LRP1B: variants seen among roughly 807,000 people sequenced by gnomAD.
LRP1B encodes low-density lipoprotein receptor-related protein 1B.
LRP1B carries 217 observed loss-of-function variants against 556.6 expected under a neutral mutation model. The ratio of observed to expected loss-of-function variants is 0.39; its 90% CI spans 0.35 to 0.44. The LOEUF (loss-of-function observed/expected upper bound fraction) is 0.44. Among genes scored for constraint, LRP1B ranks in the 20% least tolerant of loss-of-function variants. The pLI is 1.00. For missense variants in LRP1B, 5,053 were observed against 5,620.8 expected (o/e 0.90, Z 3.23); for synonymous variants, 2,047 against 1,865.8 (o/e 1.10, Z -2.50).
intron 2 of LRP1B, among the ~76,000 whole-genome samples, chr2:141,699,524 T>C (rs1447773840): frequency 5.3e-5 from 8 of 151,726 alleles, no homozygotes; most frequent in African/African-American, 1.9e-4. Context: ...TTATTTTTAA[T>C]TAGTTGATTT....
At chr2:142,024,022 T>G (rs898836152) in intron 1 of LRP1B, among the ~76,000 whole-genome samples, 2 of 152,210 alleles carry the variant, frequency 1.3e-5, no homozygotes, top group African/African-American at 4.8e-5. Flanking sequence ...AGTTGAATAT[T>G]AATTCTATTT....
At chr2:142,058,586 G>C (rs1704769178) in intron 1 of LRP1B, among the ~76,000 whole-genome samples, 3 of 152,072 alleles carry the variant, frequency 2.0e-5, no homozygotes. Flanking sequence ...TCGTTAGTGT[G>C]AATGTATTCT....
At chr2:141,992,865 T>C (rs1440422002) in intron 1 of LRP1B, among the ~76,000 whole-genome samples, 1 of 152,160 alleles carries the variant, frequency 6.6e-6, no homozygotes, top group Non-Finnish European at 1.5e-5. Flanking sequence ...TTTTAATTGC[T>C]AAACAGAATT....
chr2:141,225,149 C>A (rs1486743314), intron 6 of LRP1B, among the ~76,000 whole-genome samples: 1 of 151,962 alleles, frequency 6.6e-6, no homozygotes. Context: ...AAGCTAAATC[C>A]ATGAAGAATA....
At position 140,989,605 on chromosome 2, in the gene LRP1B, G is replaced by T. The variant is rs750748483; in HGVS notation, c.2697C>A (p.Ile899=). 1.2e-6 allele frequency: 2 copies of T among 1,613,140 alleles called. No individual in the cohort carries two copies. Among genetic ancestry groups the T allele is most frequent in the African/African-American group, 2.7e-5 (2 of 74,856 alleles). Residue 899 remains isoleucine, a synonymous_variant, in exon 17 of 91, where the codon ATC becomes ATA. Transcript: ENST00000389484. The stretch of plus-strand genomic sequence containing the variant: ...CTCCATCACAAAGCCATCTCTTGGG[G>T]ATGCAGCGATTATTCTGGCATTTAA... ...DQFKCQNNRC[I]PKRWLCDGAN... is the part of the protein sequence containing the mutation.
At chr2:141,508,592 T>G (rs888789565) in intron 2 of LRP1B, among the ~76,000 whole-genome samples, 3 of 152,062 alleles carry the variant, frequency 2.0e-5, no homozygotes, top group African/African-American at 7.2e-5. Flanking sequence ...TTTAGGCTCC[T>G]GGAATTCTGG....
chr2:140,455,405 A>C (rs1687056345), intron 62 of LRP1B, among the ~76,000 whole-genome samples: 1 of 152,220 alleles, frequency 6.6e-6, no homozygotes, highest in Admixed American at 6.5e-5. Context: ...ACTATGTACC[A>C]GGAACTTTTC....
chr2:142,065,372 C>T (rs1489258474), intron 1 of LRP1B, among the ~76,000 whole-genome samples: 6 of 150,936 alleles, frequency 4.0e-5, no homozygotes, highest in Non-Finnish European at 8.9e-5. Context: ...TGTTCCTGGC[C>T]CACTTTCTCT....
At chr2:141,974,312 T>C (rs1701822961) in intron 1 of LRP1B, among the ~76,000 whole-genome samples, 1 of 151,960 alleles carries the variant, frequency 6.6e-6, no homozygotes, top group Non-Finnish European at 1.5e-5. Context: ...GTAGCAGGAA[T>C]GACAAGGGGA....
At chr2:140,829,911 AC>A (rs1218687271) in intron 31 of LRP1B, among the ~76,000 whole-genome samples, 2 of 152,048 alleles carry the variant, frequency 1.3e-5, no homozygotes, top group Admixed American at 1.3e-4. Context: ...AAAATCAGAA[AC>A]AAAAAAAGGA....
At chr2:141,688,441 C>T (rs116075717) in intron 2 of LRP1B, among the ~76,000 whole-genome samples, 1 of 151,788 alleles carries the variant, frequency 6.6e-6, no homozygotes, top group Non-Finnish European at 1.5e-5. Flanking sequence ...TTTTAAAAAC[C>T]TGAGGTATAG....
At chr2:141,260,667 C>A (rs1207704260) in intron 3 of LRP1B, among the ~76,000 whole-genome samples, 1 of 152,104 alleles carries the variant, frequency 6.6e-6, no homozygotes, top group Non-Finnish European at 1.5e-5. Context: ...CCTTTGTGAC[C>A]TATAGTCAAA....
At chr2:141,015,526 G>A (rs796600531) in intron 13 of LRP1B, among the ~76,000 whole-genome samples, 170 bp downstream of exon 13, 87 of 152,140 alleles carry the variant, frequency 5.7e-4, no homozygotes, top group African/African-American at 2.0e-3. Flanking sequence ...CCAGAGGCAA[G>A]TGCCAGCTGC....
chr2:141,030,085 G>A (rs972320397), intron 11 of LRP1B, among the ~76,000 whole-genome samples: 2 of 152,094 alleles, frequency 1.3e-5, no homozygotes, highest in African/African-American at 4.8e-5. Context: ...TCCTCTAAAT[G>A]AGTTTTCTTA....
intron 25 of LRP1B, among the ~76,000 whole-genome samples, chr2:140,871,823 C>T (rs1159909059): frequency 6.6e-6 from 1 of 151,968 alleles, no homozygotes; most frequent in African/African-American, 2.4e-5. Flanking sequence ...GGGTTTTGTT[C>T]CTATATCAAG....
chr2:140,679,264 T>C (rs1435012760), intron 41 of LRP1B, among the ~76,000 whole-genome samples: 1 of 152,168 alleles, frequency 6.6e-6, no homozygotes, highest in African/African-American at 2.4e-5. Flanking sequence ...CCACATACAC[T>C]CATGTGCGGA....
rs564279418 is a variant in LRP1B, at chr2:141,516,429, C to T, written c.206-35896G>A. Among the ~76,000 whole-genome samples, 11 of 152,232 alleles carry T rather than the reference C, an allele frequency of 7.2e-5. No homozygotes were observed. The East Asian group carries it at 1.5e-3, about 21-fold the overall frequency. ...ATAATGTTAGATCACACAAGATTTT[C>T]GACTTAGATTTAAATGTTACAGATC... On this transcript the variant is annotated intron_variant, in intron 2 of 90. Coordinates refer to ENST00000389484, the MANE Select transcript of LRP1B (RefSeq NM_018557.3).
intron 3 of LRP1B, among the ~76,000 whole-genome samples, chr2:141,258,346 C>A (rs887981941): frequency 1.3e-5 from 2 of 151,870 alleles, no homozygotes. Context: ...GTTAGCTGGG[C>A]GTGGTGGTGT....
At position 141,822,130 on chromosome 2, in the gene LRP1B, C is replaced by CAGAGAGAGAGAGAG. The variant is rs1553469382; in HGVS notation, c.83-11743_83-11730dup. Among the ~76,000 whole-genome samples, 211 of 95,884 alleles carry CAGAGAGAGAGAGAG rather than the reference C, an allele frequency of 2.2e-3. 2 individuals carry two copies. Among genetic ancestry groups the CAGAGAGAGAGAGAG allele is most frequent in the African/African-American group, 6.6e-3 (149 of 22,410 alleles). 62.9% of individuals were successfully genotyped at this position (95,884 alleles called of 152,430 possible). ...ACACACACACACACACACACACACA[C>CAGAGAGAGAGAGAG]AGAGAGAGAGAGAGAGAGAGAGAGA... On this transcript the variant is annotated intron_variant, in intron 1 of 90. Transcript: ENST00000389484.
Sources: gnomAD v4.1 joint callset for allele counts (sites outside exome capture counted in the v4.1 genomes callset) on GRCh38, gnomAD v4.1.1 for gene constraint, MANE v1.5 for transcripts, NCBI Gene and HGNC (gene_info 2026-07-23, HGNC 2026-07-21) for gene names.